The following NRK variants were observed in gnomAD, a reference collection of about 807,000 sequenced individuals.
NRK encodes nik-related protein kinase.
In NRK, 67 loss-of-function variants were observed where a neutral mutation model predicts 125.2. The observed-to-expected ratio is 0.54, with a 90% CI of 0.44 to 0.66. NRK has a LOEUF of 0.66. Among genes scored for constraint, NRK ranks in the 30% least tolerant of loss-of-function variants. The pLI, the probability that NRK is intolerant of heterozygous loss-of-function variation, is 0.00. For synonymous variants in NRK, 458 were observed against 429.0 expected (o/e 1.07, Z -0.84); for missense variants, 1,224 against 1,192.9 (o/e 1.03, Z -0.38).
At chrX:105,857,448 C>T (rs928095177) in intron 2 of NRK, among the ~76,000 whole-genome samples, 1 of 111,859 alleles carries the variant, frequency 8.9e-6, no homozygotes, top group East Asian at 2.8e-4. Flanking sequence ...ATAAAGATAA[C>T]GATCCCAAGA....
At chrX:105,851,944 AG>A (rs1212114641) in intron 2 of NRK, among the ~76,000 whole-genome samples, 1 of 112,002 alleles carries the variant, frequency 8.9e-6, no homozygotes, top group Non-Finnish European at 1.9e-5. Flanking sequence ...CCTACCATTT[AG>A]GCTACATAGT....
At chrX:105,900,310 A>T (rs1472302851) in intron 8 of NRK, among the ~76,000 whole-genome samples, 3 of 111,435 alleles carry the variant, frequency 2.7e-5, no homozygotes, top group African/African-American at 9.8e-5. Flanking sequence ...TCTATGTAAT[A>T]AAATGTCTTT....
At chrX:105,823,791 A>G (rs2039056327) in intron 1 of NRK, among the ~76,000 whole-genome samples, 1 of 111,548 alleles carries the variant, frequency 9.0e-6, no homozygotes, top group Non-Finnish European at 1.9e-5. Context: ...TTAGATTGGC[A>G]TTTCACTCGC....
chrX:105,927,938 T>G (rs973465803), intron 19 of NRK, among the ~76,000 whole-genome samples: 1 of 111,290 alleles, frequency 9.0e-6, no homozygotes, highest in Non-Finnish European at 1.9e-5. Context: ...CTTGTAGTTT[T>G]TGTTTGTTTG....
At chrX:105,933,351 C>T (rs779042141) in intron 19 of NRK, among the ~76,000 whole-genome samples, 6 of 111,459 alleles carry the variant, frequency 5.4e-5, no homozygotes, top group African/African-American at 9.9e-5. Flanking sequence ...TTAAAAAGGA[C>T]GTGATGTCAT....
At chrX:105,860,107 C>G (rs966895533) in intron 2 of NRK, among the ~76,000 whole-genome samples, 2 of 111,067 alleles carry the variant, frequency 1.8e-5, no homozygotes, top group Non-Finnish European at 3.8e-5. Flanking sequence ...ATCTCTAAAA[C>G]AATCCTGTGA....
rs1457225612 is a variant in NRK at position 105,955,516 on chromosome X, C to T, written c.4665C>T (p.Thr1555=). Residue 1555 remains threonine (T), a synonymous_variant, in exon 29 of 29, where the codon ACC becomes ACT. Coordinates refer to ENST00000243300, the MANE Select transcript of NRK (RefSeq NM_198465.4). ...LCTRGDKLFF[T]STLRNHHSRV... is the part of the protein sequence containing the mutation. ...CTTTCTTTTTCAAGCTGTTCTTTAC[C>T]TCTACCCTGCGCAATCACCACAGCC... The T allele has an allele frequency of 1.7e-6, 2 of 1,179,712 alleles. No individual in the cohort carries two copies. Among genetic ancestry groups the T allele is most frequent in the East Asian group, 3.0e-5 (1 of 33,266 alleles).
chrX:105,901,619 G>A (rs2040158392), intron 9 of NRK, among the ~76,000 whole-genome samples: 1 of 110,736 alleles, frequency 9.0e-6, no homozygotes, highest in Admixed American at 9.7e-5. Context: ...CCAATGAGAG[G>A]AATTTCAAGA....
Position 105,831,107 on chromosome X carries a change from C to A in NRK, c.111C>A (p.Gly37=), listed in dbSNP as rs1001279523. The change falls in exon 2 of 29, where the codon GGC becomes GGA. Residue 37 remains glycine, a synonymous_variant. Coordinates refer to ENST00000243300, the MANE Select transcript of NRK (RefSeq NM_198465.4). ...AAACCATTGGCCTTGGTACTTATGG[C>A]AGAATCTATTTGGTAAGTTGACTTA... ...LDKTIGLGTY[G]RIYLGLHEKT... 2 of 1,123,145 alleles carry A rather than the reference C, an allele frequency of 1.8e-6. No individual in the cohort carries two copies. The highest frequency in any genetic ancestry group is 3.8e-5 in the South Asian group (2 of 52,999). 92.6% of individuals were successfully genotyped at this position (1,123,145 alleles called of 1,213,427 possible). A position where few individuals can be genotyped will look rare whatever the true frequency, so the allele number is the denominator to read the frequency against.
intron 2 of NRK, among the ~76,000 whole-genome samples, chrX:105,855,046 G>A (rs1427443136): frequency 3.6e-5 from 4 of 111,807 alleles, no homozygotes; most frequent in Non-Finnish European, 7.5e-5. Context: ...TAATTAAGAG[G>A]CATAAACATG....
At chrX:105,933,192 CT>C (rs779318476) in intron 19 of NRK, among the ~76,000 whole-genome samples, 9 of 110,488 alleles carry the variant, frequency 8.1e-5, no homozygotes, top group Non-Finnish European at 1.3e-4. Flanking sequence ...ATCTATCTAT[CT>C]ATCTATCTAT....
chrX:105,859,175 A>T (rs906497574), intron 2 of NRK, among the ~76,000 whole-genome samples: 2 of 111,413 alleles, frequency 1.8e-5, no homozygotes, highest in African/African-American at 6.5e-5. Flanking sequence ...AAGAGAAAAA[A>T]CCTGGATCAT....
chrX:105,882,836 C>T (rs1292073747), intron 4 of NRK, among the ~76,000 whole-genome samples: 2 of 111,427 alleles, frequency 1.8e-5, no homozygotes, highest in Non-Finnish European at 3.8e-5. Flanking sequence ...CTTAGGAAAC[C>T]GCAAAAGATA....
intron 18 of NRK, among the ~76,000 whole-genome samples, chrX:105,923,687 G>A (rs1375390866): frequency 1.9e-5 from 2 of 108,007 alleles, no homozygotes; most frequent in African/African-American, 6.7e-5. Context: ...TTTAAAATAA[G>A]CATTCAAGTA....
chrX:105,926,778 C>A (rs1240274872), intron 19 of NRK, among the ~76,000 whole-genome samples: 1 of 110,684 alleles, frequency 9.0e-6, no homozygotes, highest in Non-Finnish European at 1.9e-5. Context: ...ATTCTTGATG[C>A]CTTTATCAAA....
intron 2 of NRK, 46 bp downstream of exon 2, chrX:105,831,165 A>G (rs778458581): frequency 7.4e-6 from 6 of 807,792 alleles, no homozygotes; most frequent in Non-Finnish European, 1.1e-5. Context: ...TTCTAATGAC[A>G]ACAAAGATTG....
At chrX:105,874,844 T>G (rs192337012) in intron 2 of NRK, among the ~76,000 whole-genome samples, 1 of 111,901 alleles carries the variant, frequency 8.9e-6, no homozygotes, top group African/African-American at 3.2e-5. Context: ...GTTAATTAAT[T>G]AAGAACACAA....
At chrX:105,833,839 A>G (rs1051131564) in intron 2 of NRK, among the ~76,000 whole-genome samples, 3 of 111,315 alleles carry the variant, frequency 2.7e-5, no homozygotes, top group African/African-American at 6.5e-5. Flanking sequence ...TTCAAGGAGT[A>G]TTCTACCTCT....
chrX:105,921,858 G>GA (rs1276360662), intron 16 of NRK, 106 bp from the exon 17 acceptor site: 8,610 of 276,339 alleles, frequency 0.031, no homozygotes, highest in East Asian at 0.048. Context: ...AAATGACCAA[G>GA]AAAAAAAAAA....
Sources: gnomAD v4.1 joint callset for allele counts (sites outside exome capture counted in the v4.1 genomes callset) on GRCh38, gnomAD v4.1.1 for gene constraint, MANE v1.5 for transcripts, NCBI Gene and HGNC (gene_info 2026-07-23, HGNC 2026-07-21) for gene names.